Variants in TENM3 observed in about 807,000 individuals in gnomAD.
TENM3 encodes the protein teneurin-3.
A neutral mutation model predicts 255.1 loss-of-function variants in TENM3; 63 were observed. That is an observed-to-expected ratio of 0.25 (90% CI 0.20 to 0.30). The LOEUF (loss-of-function observed/expected upper bound fraction) is 0.30. TENM3 is among the 10% of genes least tolerant of loss of function. The probability of loss-of-function intolerance (pLI) is 1.00; values close to 1 mark genes in which losing one functional copy is unlikely to be tolerated. For missense variants in TENM3, 2,929 were observed against 3,461.1 expected (o/e 0.85, Z 3.86); for synonymous variants, 1,306 against 1,322.3 (o/e 0.99, Z 0.27).
At chr4:182,369,332 A>G (rs922032980) in intron 3 of TENM3, among the ~76,000 whole-genome samples, 4 of 152,220 alleles carry the variant, frequency 2.6e-5, no homozygotes, top group African/African-American at 7.2e-5. Flanking sequence ...TACCCTGCTA[A>G]GGTCACACAG....
At position 182,197,543 on chromosome 4, in the gene TENM3, G is replaced by A. The variant is rs145435028; in HGVS notation, c.-76+52789G>A. On this transcript the variant is annotated intron_variant, in intron 1 of 2. Coordinates refer to the TENM3 transcript ENST00000512480. ...ATACTCAAAAAATAATTATCCCACCGTGGTATTGCATAGGGAAATAATAAG... is the reference window on the plus strand; with the variant it reads ...ATACTCAAAAAATAATTATCCCACCATGGTATTGCATAGGGAAATAATAAG... Among the ~76,000 whole-genome samples the A allele has an allele frequency of 1.7e-4, 26 of 152,182 alleles. 1 individual carries two copies. In the East Asian group the frequency reaches 2.3e-3, roughly 14 times the overall value.
intron 4 of TENM3, among the ~76,000 whole-genome samples, chr4:182,605,961 A>G (rs938624098): frequency 6.6e-6 from 1 of 152,204 alleles, no homozygotes; most frequent in African/African-American, 2.4e-5. Context: ...AGTTAATTTT[A>G]AGTCCAAATT....
intron 3 of TENM3, among the ~76,000 whole-genome samples, chr4:182,569,561 G>GAAAAAAAAA (rs59561269): frequency 7.9e-6 from 1 of 126,194 alleles, no homozygotes. Flanking sequence ...CTCAAAAAAA[G>GAAAAAAAAA]AAAAAAAAAA....
intron 1 of TENM3, among the ~76,000 whole-genome samples, chr4:182,174,276 A>G (rs934321168): frequency 6.6e-6 from 1 of 151,932 alleles, no homozygotes; most frequent in Non-Finnish European, 1.5e-5. Context: ...TCAAACAAAC[A>G]TAGATCATCT....
At position 182,789,655 on chromosome 4, in the gene TENM3, C is replaced by T. The variant is rs1441449212; in HGVS notation, c.5601+266C>T. On this transcript the variant is annotated intron_variant, in intron 25 of 27. Coordinates refer to ENST00000511685, the MANE Select transcript of TENM3 (RefSeq NM_001080477.4). This position sits in a 1 kb window ranked among gnomAD's most constrained non-coding sequence, Gnocchi z 4.4. ...ATAAGCATTAACGTTGTCCACCTGC[C>T]AAGCTTACACATTGACAACATTCAC... Among the ~76,000 whole-genome samples the T allele has an allele frequency of 1.3e-5, 2 of 152,188 alleles. No homozygotes were observed. Among genetic ancestry groups the T allele is most frequent in the Non-Finnish European group, 2.9e-5 (2 of 68,032 alleles).
the TENM3 span, among the ~76,000 whole-genome samples, chr4:181,813,377 A>G: frequency 6.6e-6 from 1 of 152,248 alleles, no homozygotes; most frequent in Non-Finnish European, 1.5e-5. Context: ...TGGGCAGTTA[A>G]CAATCAAGCA....
At chr4:182,416,805 A>G (rs545592202) in intron 3 of TENM3, among the ~76,000 whole-genome samples, 48 of 152,302 alleles carry the variant, frequency 3.2e-4, no homozygotes, top group Admixed American at 9.8e-4. Flanking sequence ...TTGCTTAAGA[A>G]ACACCAAACC....
chr4:182,754,789 A>G lies in TENM3; in HGVS notation c.4422A>G (p.Pro1474=). 3.7e-6 allele frequency: 6 copies of G among 1,614,048 alleles called. No homozygotes were observed. The South Asian group carries it at 4.4e-5, about 12-fold the overall frequency. ...GYAKDAKLSA[P]SSLAASPDGT... ...CCAAGGATGCCAAACTCAGTGCCCC[A>G]TCCTCCCTGGCTGCTTCTCCAGATG... is the stretch of plus-strand genomic sequence containing the variant. Residue 1474 remains proline (P), a synonymous_variant, in exon 22 of 28, where the codon CCA becomes CCG. Coordinates refer to ENST00000511685, the MANE Select transcript of TENM3 (RefSeq NM_001080477.4). This position sits in a 1 kb window ranked among gnomAD's most constrained non-coding sequence, Gnocchi z 5.1.
chr4:182,644,830 T>C (rs543774556), intron 5 of TENM3, among the ~76,000 whole-genome samples: 61 of 152,256 alleles, frequency 4.0e-4, no homozygotes, highest in African/African-American at 1.4e-3. Flanking sequence ...CCTAAAAAGA[T>C]GCAGTCTAGA....
intron 1 of TENM3, among the ~76,000 whole-genome samples, chr4:182,219,097 C>A (rs575787041): frequency 1.3e-5 from 2 of 152,256 alleles, no homozygotes; most frequent in South Asian, 2.1e-4. Context: ...TGGCGGGCAC[C>A]TGTAGTCTCA....
the TENM3 span, among the ~76,000 whole-genome samples, chr4:181,987,983 G>GT: frequency 1.3e-5 from 2 of 151,898 alleles, no homozygotes; most frequent in Non-Finnish European, 2.9e-5. Context: ...ACATGGGTAG[G>GT]TTCGTAATTA....
the TENM3 span, among the ~76,000 whole-genome samples, chr4:182,124,008 A>G: frequency 6.6e-6 from 1 of 152,120 alleles, no homozygotes; most frequent in Non-Finnish European, 1.5e-5. Context: ...AGAGTTCAGG[A>G]GTTTTTATTT....
the TENM3 span, among the ~76,000 whole-genome samples, chr4:181,449,339 G>A: frequency 6.6e-6 from 1 of 152,180 alleles, no homozygotes; most frequent in Non-Finnish European, 1.5e-5. Context: ...CTGAGATGTG[G>A]CTCCTGTCTG....
chr4:181,984,305 A>G, the TENM3 span, among the ~76,000 whole-genome samples: 1 of 152,172 alleles, frequency 6.6e-6, no homozygotes, highest in Non-Finnish European at 1.5e-5. Flanking sequence ...TTATTGGAGC[A>G]TATATTGTAT....
At chr4:182,352,541 G>T (rs1162569961) in intron 3 of TENM3, among the ~76,000 whole-genome samples, 1 of 152,058 alleles carries the variant, frequency 6.6e-6, no homozygotes, top group Non-Finnish European at 1.5e-5. Context: ...CCTGTTGTCG[G>T]ACCCCACTAA....
the TENM3 span, among the ~76,000 whole-genome samples, chr4:181,965,840 G>A: frequency 6.6e-6 from 1 of 152,110 alleles, no homozygotes; most frequent in Non-Finnish European, 1.5e-5. Flanking sequence ...CTATAGAGTG[G>A]CTCTGTGTGT....
intron 3 of TENM3, among the ~76,000 whole-genome samples, chr4:182,388,042 G>A (rs1030344224): frequency 2.6e-5 from 4 of 151,614 alleles, no homozygotes; most frequent in African/African-American, 9.7e-5. Context: ...GTATCTGCAT[G>A]CCCCAATGGA....
At chr4:181,893,781 A>G in the TENM3 span, among the ~76,000 whole-genome samples, 1 of 152,144 alleles carries the variant, frequency 6.6e-6, no homozygotes, top group South Asian at 2.1e-4. Context: ...TTAGGTTAAA[A>G]TGTTTTAGCA....
At chr4:182,743,058 T>G in intron 18 of TENM3, 112 bp from the exon 19 acceptor site, 5 of 1,165,748 alleles carry the variant, frequency 4.3e-6, no homozygotes, top group Non-Finnish European at 4.8e-6. Context: ...AAGAATGTCT[T>G]AATCCAGACC....
Sources: gnomAD v4.1 joint callset for allele counts (sites outside exome capture counted in the v4.1 genomes callset) on GRCh38, gnomAD v4.1.1 for gene constraint, Gnocchi (gnomAD v3.1) non-coding constraint, MANE v1.5 for transcripts, NCBI Gene and HGNC (gene_info 2026-07-23, HGNC 2026-07-21) for gene names.